Variants in KITLG observed in about 807,000 individuals in gnomAD.
KITLG encodes c-Kit ligand.
In KITLG, 13 loss-of-function variants were observed where a neutral mutation model predicts 34.1. The observed-to-expected ratio is 0.38, with a 90% CI of 0.25 to 0.61. KITLG has a LOEUF of 0.61. KITLG is among the 20% of genes least tolerant of loss of function. The pLI, the probability that KITLG is intolerant of heterozygous loss-of-function variation, is 0.60. For synonymous variants in KITLG, 110 were observed against 104.0 expected, an observed-to-expected ratio of 1.06 and a Z score of -0.35; for missense variants, 292 against 318.9, an observed-to-expected ratio of 0.92 and a Z score of 0.64.
Position 88,507,110 on chromosome 12 carries a change from G to A in KITLG, c.632C>T (p.Ser211Phe), listed in dbSNP as rs369788844. ...TGCCATGGCTGCCCAGTGTAGGCTGGAGTCTCCAGGGGGATTTTTGGCCTT... is the reference window on the plus strand; with the variant it reads ...TGCCATGGCTGCCCAGTGTAGGCTGAAGTCTCCAGGGGGATTTTTGGCCTT... ...NRKAKNPPGD[S>F]SLHWAAMALP... Residue 211 changes from serine (S) to phenylalanine (F), a missense_variant, in exon 7 of 10, where the codon TCC becomes TTC. By Grantham distance (155) the Ser-to-Phe change is radical. This residue lies in a region of KITLG where 140 missense variants were observed against 111.0 expected (regional missense o/e 1.26). Transcript: ENST00000644744. 4 of 1,613,020 alleles carry A rather than the reference G, an allele frequency of 2.5e-6. No homozygotes were observed. The highest frequency in any genetic ancestry group is 3.4e-6 in the Non-Finnish European group (4 of 1,179,164).
chr12:88,506,280 G>C (rs948326426), intron 8 of KITLG, 31 bp downstream of exon 8: 1 of 1,449,548 alleles, frequency 6.9e-7, no homozygotes, highest in Non-Finnish European at 9.7e-7. Context: ...TGTCATGCTT[G>C]ATTGGGCACA....
At chr12:88,507,168 A>C in intron 6 of KITLG, 31 bp from the exon 7 acceptor site, 3 of 1,301,902 alleles carry the variant, frequency 2.3e-6, no homozygotes, top group Non-Finnish European at 3.4e-6. Context: ...TGATGAATAC[A>C]GCATATCCAT....
In KITLG at chr12:88,516,480, T is replaced by G. The variant is rs774434827; in HGVS notation, c.374A>C (p.Lys125Thr). Reference sequence around the variant, plus strand: ...CCTGGGTTCTGGGCTCTTGAATGATTTTTTTAGATCCTAGAAGAAAAAATA... The same window carrying G: ...CCTGGGTTCTGGGCTCTTGAATGATGTTTTTAGATCCTAGAAGAAAAAATA... ...VKENSSKDLK[K>T]SFKSPEPRLF... Residue 125 changes from lysine to threonine, a missense_variant, in exon 5 of 10, where the codon AAA (lysine) becomes ACA (threonine). By Grantham distance (78) the Lys-to-Thr change is moderately conservative (BLOSUM62 -1). This residue lies in a region of KITLG where 152 missense variants were observed against 207.9 expected (regional missense o/e 0.73). Coordinates refer to ENST00000644744, the MANE Select transcript of KITLG (RefSeq NM_000899.5). 1 of 1,599,692 alleles carries G rather than the reference T, an allele frequency of 6.3e-7. No homozygotes were observed. The highest frequency in any genetic ancestry group is 2.2e-5 in the East Asian group (1 of 44,656).
chr12:88,564,241 T>A (rs972674006), intron 1 of KITLG: 4 of 152,134 alleles, frequency 2.6e-5, no homozygotes, highest in African/African-American at 4.8e-5. Flanking sequence ...TTAATAATGC[T>A]GGGAAAATAC....
At chr12:88,512,775 C>T (rs550161914) in intron 6 of KITLG, among the ~76,000 whole-genome samples, 27 of 151,044 alleles carry the variant, frequency 1.8e-4, no homozygotes, top group Admixed American at 4.0e-4. Flanking sequence ...TCCTGTGTAC[C>T]CAGACTTCAA....
chr12:88,542,005 T>A (rs1297639114), intron 2 of KITLG, among the ~76,000 whole-genome samples: 2 of 152,172 alleles, frequency 1.3e-5, no homozygotes, highest in African/African-American at 4.8e-5. Context: ...AAAAATGGAC[T>A]GTCAGGCCAC....
At chr12:88,561,927 G>A (rs1871309932) in intron 1 of KITLG, among the ~76,000 whole-genome samples, 1 of 147,278 alleles carries the variant, frequency 6.8e-6, no homozygotes, top group African/African-American at 2.5e-5. Context: ...GCCTTCCCAG[G>A]TAACCTGTCT....
At chr12:88,502,608 T>A (rs1053244345) in intron 9 of KITLG, among the ~76,000 whole-genome samples, 8 of 152,218 alleles carry the variant, frequency 5.3e-5, no homozygotes, top group African/African-American at 1.9e-4. Flanking sequence ...ATTCAACACA[T>A]TCATAAGTTG....
intron 2 of KITLG, 37 bp from the exon 3 acceptor site, chr12:88,532,540 CTTATACATCA>C (rs1480597394): frequency 7.3e-7 from 1 of 1,374,828 alleles, no homozygotes; most frequent in Admixed American, 1.8e-5. Context: ...TAAGAAAATT[CTTATACATCA>C]ATTAATCATA....
At chr12:88,545,484 C>T (rs1438208257) in intron 2 of KITLG, among the ~76,000 whole-genome samples, 1 of 152,212 alleles carries the variant, frequency 6.6e-6, no homozygotes, top group African/African-American at 2.4e-5. Context: ...AGGTCCTTCA[C>T]TGCCTATGAA....
In KITLG at chr12:88,493,241, C is replaced by T. The variant is rs1868476644; in HGVS notation, c.*3978G>A. 6.6e-6 allele frequency: 1 copy of T among 152,212 alleles called. No homozygotes were observed. Among genetic ancestry groups the T allele is most frequent in the African/African-American group, 2.4e-5 (1 of 41,374 alleles). 9.4% of individuals were successfully genotyped at this position (152,212 alleles called of 1,614,324 possible). A position where few individuals can be genotyped will look rare whatever the true frequency, so the allele number is the denominator to read the frequency against. On this transcript the variant is annotated 3_prime_UTR_variant, in exon 10 of 10. Transcript: ENST00000644744. ...GAAAACGGTGTGGTTTTTAGTTTAA[C>T]AGTTGTTTTAATTTTATTGTTAAAA...
intron 1 of KITLG, among the ~76,000 whole-genome samples, chr12:88,546,592 T>C (rs1315130785): frequency 6.6e-6 from 1 of 152,198 alleles, no homozygotes; most frequent in African/African-American, 2.4e-5. Flanking sequence ...TTTTCCTTAT[T>C]ACACTGTAGA....
rs567425656 is a variant in KITLG, at chr12:88,501,016, G to C, written c.*38-3835C>G. On this transcript the variant is annotated intron_variant, in intron 9 of 9. Coordinates refer to ENST00000644744, the MANE Select transcript of KITLG (RefSeq NM_000899.5). ...GCTGGTCTCGAACTCCTGGGCTCAAGTGATCCTCCCACCTCAGCCCCCCAA... is the reference window on the plus strand; with the variant it reads ...GCTGGTCTCGAACTCCTGGGCTCAACTGATCCTCCCACCTCAGCCCCCCAA... Among the ~76,000 whole-genome samples, 8 of 152,254 alleles carry C rather than the reference G, an allele frequency of 5.3e-5. No individual in the cohort carries two copies. In the East Asian group the frequency reaches 1.2e-3, roughly 22 times the overall value.
intron 1 of KITLG, among the ~76,000 whole-genome samples, chr12:88,550,435 A>G (rs1250338309): frequency 6.6e-6 from 1 of 151,528 alleles, no homozygotes; most frequent in East Asian, 1.9e-4. Context: ...ATAGGAGTAT[A>G]GGTAGTTCAA....
At chr12:88,504,189 A>T (rs1868962432) in intron 9 of KITLG, among the ~76,000 whole-genome samples, 1 of 152,182 alleles carries the variant, frequency 6.6e-6, no homozygotes, top group Admixed American at 6.6e-5. Flanking sequence ...ACTGGAGAAT[A>T]CACAATGAAT....
intron 1 of KITLG, among the ~76,000 whole-genome samples, chr12:88,576,766 G>A (rs1871841706): frequency 1.3e-5 from 2 of 151,928 alleles, no homozygotes; most frequent in South Asian, 2.1e-4. Context: ...CAGATATAAA[G>A]CGAAGGCCAC....
chr12:88,549,799 T>C (rs1242953524), intron 1 of KITLG, among the ~76,000 whole-genome samples: 1 of 151,832 alleles, frequency 6.6e-6, no homozygotes, highest in Non-Finnish European at 1.5e-5. Context: ...AGTAAAAGTA[T>C]AAAAAAGAAC....
At chr12:88,570,058 T>C (rs114643614) in intron 1 of KITLG, among the ~76,000 whole-genome samples, 73 of 152,308 alleles carry the variant, frequency 4.8e-4, no homozygotes, top group African/African-American at 1.6e-3. Context: ...GTAAAGAGGA[T>C]CAGAGCAAAT....
intron 2 of KITLG, among the ~76,000 whole-genome samples, chr12:88,535,402 C>G (rs1025640269): frequency 6.6e-6 from 1 of 152,040 alleles, no homozygotes; most frequent in Non-Finnish European, 1.5e-5. Flanking sequence ...CAGTCTCTAC[C>G]ACAACCCCAT....
Sources: allele counts gnomAD v4.1 joint callset (sites outside exome capture counted in the v4.1 genomes callset), GRCh38; gene constraint gnomAD v4.1.1; regional missense constraint gnomAD v4.1.1; transcripts MANE v1.5; gene names NCBI Gene and HGNC (gene_info 2026-07-23, HGNC 2026-07-21).